Variants in PIK3C2G observed in about 807,000 individuals in gnomAD.
PIK3C2G encodes the protein phosphatidylinositol-4-phosphate 3-kinase catalytic subunit type 2 gamma, also known as phosphatidylinositol 3-kinase C2 domain-containing subunit gamma.
In PIK3C2G, 168 loss-of-function variants were observed where a neutral mutation model predicts 181.1. That is an observed-to-expected ratio of 0.93 (90% CI 0.82 to 1.05). PIK3C2G has a LOEUF of 1.05. PIK3C2G is among the 50% of genes least tolerant of loss of function. The probability of loss-of-function intolerance (pLI) is 0.00; values close to 1 mark genes in which losing one functional copy is unlikely to be tolerated. For missense variants in PIK3C2G, 1,869 were observed against 1,732.8 expected, an observed-to-expected ratio of 1.08 and a Z score of -1.40; for synonymous variants, 573 against 592.2, an observed-to-expected ratio of 0.97 and a Z score of 0.47.
the PIK3C2G span, among the ~76,000 whole-genome samples, chr12:18,666,668 CAG>C: frequency 1.3e-5 from 2 of 152,096 alleles, no homozygotes; most frequent in African/African-American, 2.4e-5. Context: ...AGACGAAAGA[CAG>C]AGAAATAGAA....
chr12:18,531,517 T>G lies in PIK3C2G; in HGVS notation c.3324-6639T>G, dbSNP rs1472730114. 2.6e-5 allele frequency among the ~76,000 whole-genome samples: 4 copies of G among 152,238 alleles called. No individual in the cohort carries two copies. In the East Asian group the frequency reaches 5.8e-4, roughly 22 times the overall value. ...TTCAGGTTGCCCTTTTGTAGCCACA[T>G]TCACTTCCCTCTCACCTTCTTCCCC... On this transcript the variant is annotated intron_variant, in intron 24 of 32. Coordinates refer to ENST00000538779, the MANE Select transcript of PIK3C2G (RefSeq NM_001288772.2).
intron 10 of PIK3C2G, among the ~76,000 whole-genome samples, chr12:18,345,451 T>A (rs1939580200): frequency 6.6e-6 from 1 of 152,182 alleles, no homozygotes; most frequent in Admixed American, 6.5e-5. Context: ...AATTTATGAA[T>A]AACTAAGTGA....
intron 18 of PIK3C2G, among the ~76,000 whole-genome samples, chr12:18,442,706 T>C (rs995386628): frequency 1.3e-5 from 2 of 152,194 alleles, no homozygotes; most frequent in Non-Finnish European, 1.5e-5. Context: ...TATAACATTA[T>C]AATTCTTCAG....
chr12:18,691,019 C>T, the PIK3C2G span, among the ~76,000 whole-genome samples: 1 of 152,146 alleles, frequency 6.6e-6, no homozygotes, highest in South Asian at 2.1e-4. Flanking sequence ...AGGACTGAGA[C>T]AGGCTACCTG....
At chr12:18,404,722 G>T (rs1368404695) in intron 16 of PIK3C2G, among the ~76,000 whole-genome samples, 2 of 152,048 alleles carry the variant, frequency 1.3e-5, no homozygotes, top group Non-Finnish European at 2.9e-5. Flanking sequence ...TGAAAATGGT[G>T]GTTCAATTTA....
chr12:18,518,520 G>A (rs12813754), intron 24 of PIK3C2G, among the ~76,000 whole-genome samples: 21,966 of 152,018 alleles, frequency 0.14, 1,920 homozygotes, highest in East Asian at 0.3. Context: ...GTTTATTTGC[G>A]TAGAGGTGTT....
chr12:18,445,272 A>G (rs997384372), intron 18 of PIK3C2G, among the ~76,000 whole-genome samples: 4 of 152,158 alleles, frequency 2.6e-5, no homozygotes, highest in African/African-American at 9.6e-5. Context: ...CAGAACCCCT[A>G]CAAACCCATA....
intron 18 of PIK3C2G, among the ~76,000 whole-genome samples, chr12:18,436,956 G>A (rs893199666): frequency 1.3e-5 from 2 of 151,878 alleles, no homozygotes; most frequent in Non-Finnish European, 2.9e-5. Flanking sequence ...TTTCTGGGGA[G>A]GCCTTGTTAA....
rs139325784 is a variant in PIK3C2G at position 18,646,650 on chromosome 12, G to T, written c.4309-1226G>T. The stretch of plus-strand genomic sequence containing the variant: ...CTTCTGCTTCTTTTTGGCATATATT[G>T]AGAAAGTTTCTATCTTGTGACTTGG... On this transcript the variant is annotated intron_variant, in intron 32 of 32. Transcript: ENST00000538779. Among the ~76,000 whole-genome samples the T allele has an allele frequency of 5.0e-3, 768 of 152,254 alleles. 1 individual carries two copies. Among genetic ancestry groups the T allele is most frequent in the Non-Finnish European group, 7.9e-3 (536 of 68,004 alleles).
chr12:18,677,262 T>A, the PIK3C2G span, among the ~76,000 whole-genome samples: 2 of 151,976 alleles, frequency 1.3e-5, no homozygotes, highest in African/African-American at 2.4e-5. Context: ...AACCAGCATA[T>A]GAATTGAGGA....
chr12:18,244,033 G>T (rs1591754375), upstream of PIK3C2G, among the ~76,000 whole-genome samples: 1 of 151,978 alleles, frequency 6.6e-6, no homozygotes, highest in Non-Finnish European at 1.5e-5. Flanking sequence ...GTACAGTGTG[G>T]TAATAACTAT....
chr12:18,306,530 A>G (rs1426303728), intron 5 of PIK3C2G, among the ~76,000 whole-genome samples: 1 of 152,050 alleles, frequency 6.6e-6, no homozygotes, highest in Non-Finnish European at 1.5e-5. Context: ...TACCACTTTG[A>G]GCACAAAATC....
intron 29 of PIK3C2G, among the ~76,000 whole-genome samples, chr12:18,576,216 T>A (rs1565524724): frequency 6.6e-6 from 1 of 152,214 alleles, no homozygotes. Context: ...CTTCAGTGCA[T>A]AATCCCACAT....
chr12:18,268,692 C>G (rs1021215493), intron 1 of PIK3C2G, among the ~76,000 whole-genome samples: 2 of 152,110 alleles, frequency 1.3e-5, no homozygotes, highest in Non-Finnish European at 2.9e-5. Context: ...ACTATTCAAA[C>G]AGTGCGTATT....
intron 25 of PIK3C2G, among the ~76,000 whole-genome samples, chr12:18,542,671 G>A (rs182977108): frequency 2.1e-3 from 324 of 151,978 alleles, no homozygotes; most frequent in Admixed American, 5.7e-3. Flanking sequence ...GTGGTTTTCT[G>A]TTCCTGCATT....
chr12:18,327,873 TG>T (rs1471774772), intron 8 of PIK3C2G, among the ~76,000 whole-genome samples: 1 of 151,952 alleles, frequency 6.6e-6, no homozygotes, highest in African/African-American at 2.4e-5. Flanking sequence ...ATGATCTAGT[TG>T]GAGAGACAGC....
chr12:18,325,958 T>C (rs545353933), intron 8 of PIK3C2G, among the ~76,000 whole-genome samples: 3 of 152,176 alleles, frequency 2.0e-5, no homozygotes, highest in South Asian at 4.1e-4. Flanking sequence ...GAATGACTGA[T>C]GGATGATTAG....
chr12:18,431,251 AT>A (rs2135760657), intron 18 of PIK3C2G, among the ~76,000 whole-genome samples: 1 of 152,302 alleles, frequency 6.6e-6, no homozygotes, highest in Non-Finnish European at 1.5e-5. Context: ...TTTTTCATTA[AT>A]GTGACAAACA....
chr12:18,409,905 A>G (rs902182130), intron 16 of PIK3C2G, among the ~76,000 whole-genome samples: 1 of 152,250 alleles, frequency 6.6e-6, no homozygotes, highest in Admixed American at 6.5e-5. Flanking sequence ...ACACCTTCAC[A>G]TGGCTGGGCA....
Sources: gnomAD v4.1 joint callset for allele counts (sites outside exome capture counted in the v4.1 genomes callset) on GRCh38, gnomAD v4.1.1 for gene constraint, MANE v1.5 for transcripts, NCBI Gene and HGNC (gene_info 2026-07-23, HGNC 2026-07-21) for gene names.